EIF3E: variants seen among roughly 807,000 people sequenced by gnomAD.
EIF3E encodes eIF-3 p48.
A neutral mutation model predicts 59.3 loss-of-function variants in EIF3E; 25 were observed. That is an observed-to-expected ratio of 0.42 (90% CI 0.31 to 0.59). The LOEUF is 0.59. EIF3E is among the 20% of genes least tolerant of loss of function. EIF3E has a pLI of 0.15. For missense variants in EIF3E, 317 were observed against 534.3 expected (o/e 0.59, Z 4.01); for synonymous variants, 176 against 170.2 (o/e 1.03, Z -0.26).
At chr8:108,240,583 A>G (rs543261495) in intron 2 of EIF3E, among the ~76,000 whole-genome samples, 1 of 152,364 alleles carries the variant, frequency 6.6e-6, no homozygotes, top group African/African-American at 2.4e-5. Flanking sequence ...ATCCAGCTCT[A>G]TAATCTCTCA....
chr8:108,227,722 A>G (rs1815541489), intron 7 of EIF3E: 1 of 152,236 alleles, frequency 6.6e-6, no homozygotes, highest in Non-Finnish European at 1.5e-5. Flanking sequence ...CAAACAAGAA[A>G]TAATGGGCAG....
intron 7 of EIF3E, among the ~76,000 whole-genome samples, chr8:108,222,975 C>T (rs1319265497): frequency 6.6e-6 from 1 of 151,908 alleles, no homozygotes; most frequent in Non-Finnish European, 1.5e-5. Flanking sequence ...AGTTTTCCTA[C>T]AGTGTTTCAT....
chr8:108,212,413 A>G (rs1414927896), intron 10 of EIF3E, among the ~76,000 whole-genome samples: 1 of 152,234 alleles, frequency 6.6e-6, no homozygotes, highest in Non-Finnish European at 1.5e-5. Flanking sequence ...TCACTACAGA[A>G]AATTCTACTG....
At chr8:108,236,257 T>C in intron 3 of EIF3E, 54 bp from the exon 4 acceptor site, 2 of 1,421,870 alleles carry the variant, frequency 1.4e-6, no homozygotes, top group African/African-American at 2.9e-5. Context: ...GAAAACAAAA[T>C]AAGCATATCC....
At chr8:108,203,526 A>T in intron 10 of EIF3E, 23 bp from the exon 11 acceptor site, 1 of 1,599,442 alleles carries the variant, frequency 6.3e-7, no homozygotes, top group Non-Finnish European at 8.6e-7. Flanking sequence ...TAAAAACAGC[A>T]ATGTTAATTA....
intron 4 of EIF3E, 152 bp from the exon 5 acceptor site, chr8:108,235,254 A>C: frequency 2.1e-6 from 1 of 479,560 alleles, no homozygotes; most frequent in Non-Finnish European, 3.6e-6. Flanking sequence ...TGATTATGGT[A>C]TTTATTTTTG....
intron 1 of EIF3E, chr8:108,242,271 T>G (rs531824947): frequency 2.3e-6 from 3 of 1,291,770 alleles, no homozygotes; most frequent in Non-Finnish European, 3.0e-6. Context: ...AAAGCACATA[T>G]AGCTGTCACT....
rs1351975862 is a variant in EIF3E at position 108,201,249 on chromosome 8, T to TAATATATATATATATATATATA, written c.*635_*636insTATATATATATATATATATATT. ...CAATAAAAAAGGAATTAACTACTGA[T>TAATATATATATATATATATATA]CATATATATATATATATCTATCTCT... On this transcript the variant is annotated 3_prime_UTR_variant, in exon 13 of 13. Coordinates refer to ENST00000220849, the MANE Select transcript of EIF3E (RefSeq NM_001568.3). 1.4e-5 allele frequency: 1 copy of TAATATATATATATATATATATA among 72,040 alleles called. No homozygotes were observed. Among genetic ancestry groups the TAATATATATATATATATATATA allele is most frequent in the Non-Finnish European group, 2.7e-5 (1 of 36,402 alleles). The allele number at this position is 72,040 out of a possible 1,614,324, so 4.5% of individuals were successfully genotyped here. A position where few individuals can be genotyped will look rare whatever the true frequency, so the allele number is the denominator to read the frequency against.
Position 108,217,435 on chromosome 8 carries a change from A to T in EIF3E, c.748T>A (p.Cys250Ser), listed in dbSNP as rs1387054105. The change falls in exon 8 of 13, where the codon TGT becomes AGT. Residue 250 changes from cysteine (C) to serine (S), a missense_variant. By Grantham distance (112) the Cys-to-Ser change is moderately radical (BLOSUM62 -1). Coordinates refer to ENST00000220849, the MANE Select transcript of EIF3E (RefSeq NM_001568.3). ...PQYLNAIQTM[C>S]PHILRYLTTA... ...GTCAAATAGCGAAGAATGTGTGGAC[A>T]CATTGTCTGAATTGCATTAAGATAT... is the stretch of plus-strand genomic sequence containing the variant. 1 of 1,602,268 alleles carries T rather than the reference A, an allele frequency of 6.2e-7. No homozygotes were observed. Among genetic ancestry groups the T allele is most frequent in the East Asian group, 2.2e-5 (1 of 44,602 alleles).
intron 2 of EIF3E, among the ~76,000 whole-genome samples, 188 bp from the exon 3 acceptor site, chr8:108,240,263 A>T (rs1815810068): frequency 6.6e-6 from 1 of 152,146 alleles, no homozygotes; most frequent in South Asian, 2.1e-4. Context: ...TTTTCTACTA[A>T]TACAAAGGCA....
intron 5 of EIF3E, among the ~76,000 whole-genome samples, chr8:108,232,261 G>A (rs1316308854): frequency 6.6e-6 from 1 of 152,008 alleles, no homozygotes; most frequent in African/African-American, 2.4e-5. Flanking sequence ...ACAAACTCTC[G>A]CCTAACACAA....
intron 10 of EIF3E, 146 bp from the exon 11 acceptor site, chr8:108,203,649 G>A: frequency 1.5e-6 from 1 of 653,860 alleles, no homozygotes; most frequent in Non-Finnish European, 2.7e-6. Flanking sequence ...CCTACTGTCT[G>A]ATTTGTTCAT....
chr8:108,216,445 A>G lies in EIF3E; in HGVS notation c.918T>C (p.Asp306=), dbSNP rs1007974673. ...VECLYVNFDF[D]GAQKKLRECE... ...ATTCCCTCAGCTTTTTCTGAGCCCCATCAAAGTCAAAGTTAACATATAAAC... is the reference window on the plus strand; with the variant it reads ...ATTCCCTCAGCTTTTTCTGAGCCCCGTCAAAGTCAAAGTTAACATATAAAC... The change falls in exon 9 of 13, where the codon GAT becomes GAC. Residue 306 remains aspartate, a synonymous_variant. Transcript: ENST00000220849. 6.2e-7 allele frequency: 1 copy of G among 1,610,874 alleles called. No individual in the cohort carries two copies.
chr8:108,232,908 A>C (rs1262727882), intron 5 of EIF3E, among the ~76,000 whole-genome samples: 1 of 152,230 alleles, frequency 6.6e-6, no homozygotes, highest in Non-Finnish European at 1.5e-5. Context: ...CATGACACTA[A>C]ATCTTCATTC....
rs3075616 is a variant in EIF3E at position 108,234,960 on chromosome 8, C to CAAA, written c.471+35_471+37dup. The CAAA allele has an allele frequency of 5.7e-4, 501 of 873,412 alleles. 1 individual carries two copies. The highest frequency in any genetic ancestry group is 4.1e-3 in the East Asian group (126 of 30,864). 54.1% of individuals were successfully genotyped at this position (873,412 alleles called of 1,614,324 possible). On this transcript the variant is annotated intron_variant, in intron 5 of 12. Transcript: ENST00000220849. ...AGAACCAAGGGAATCCTACAAAAGACAAAAAAAAAAAAAAAAAAAACATGT... is the reference window on the plus strand; with the variant it reads ...AGAACCAAGGGAATCCTACAAAAGACAAAAAAAAAAAAAAAAAAAAAAACATGT...
At position 108,217,474 on chromosome 8, in the gene EIF3E, TA is replaced by T; in HGVS notation, c.723-15del. The T allele has an allele frequency of 6.3e-7, 1 of 1,576,088 alleles. No individual in the cohort carries two copies. The highest frequency in any genetic ancestry group is 8.6e-7 in the Non-Finnish European group (1 of 1,164,110). On this transcript the variant is annotated splice_polypyrimidine_tract_variant and intron_variant, in intron 7 of 12. Transcript: ENST00000220849. ...GCATTAAGATATCTAAGAAAAAATATAAAAGTTATTTAATAACTTACCCAGG... is the reference window on the plus strand; with the variant it reads ...GCATTAAGATATCTAAGAAAAAATATAAAGTTATTTAATAACTTACCCAGG...
Position 108,228,341 on chromosome 8 carries a change from G to GTGAA in EIF3E, c.644_647dup (p.Trp217SerfsTer16). 6.2e-7 allele frequency: 1 copy of GTGAA among 1,608,302 alleles called. No homozygotes were observed. The highest frequency in any genetic ancestry group is 8.5e-7 in the Non-Finnish European group (1 of 1,177,010). ...GATTGAAGAAAACAAACAGAGACCA[G>GTGAA]TGAATGAGCCATGTTCTCTGCTGAA... On this transcript the variant is annotated frameshift_variant, in exon 7 of 13. Coordinates refer to ENST00000220849, the MANE Select transcript of EIF3E (RefSeq NM_001568.3). LOFTEE classifies it high-confidence loss of function.
intron 10 of EIF3E, among the ~76,000 whole-genome samples, chr8:108,204,914 A>G (rs1211219535): frequency 1.3e-5 from 2 of 152,024 alleles, no homozygotes; most frequent in Non-Finnish European, 2.9e-5. Flanking sequence ...CAATTTTATG[A>G]TCAGGTTGAA....
intron 12 of EIF3E, among the ~76,000 whole-genome samples, chr8:108,202,612 C>A (rs905249384): frequency 4.6e-5 from 7 of 151,920 alleles, no homozygotes; most frequent in African/African-American, 1.7e-4. Flanking sequence ...AGAATTATTT[C>A]TTTAGATTTA....
Sources: allele counts gnomAD v4.1 joint callset (sites outside exome capture counted in the v4.1 genomes callset), GRCh38; gene constraint gnomAD v4.1.1; transcripts MANE v1.5; gene names NCBI Gene and HGNC (gene_info 2026-07-23, HGNC 2026-07-21).